Variants in HSD17B12 observed in about 807,000 individuals in gnomAD.
HSD17B12 encodes very-long-chain 3-oxoacyl-CoA reductase.
Under a neutral mutation model 39.3 loss-of-function variants are expected in HSD17B12, and 32 were observed. That is an observed-to-expected ratio of 0.81 (90% CI 0.61 to 1.09). The LOEUF is 1.09. HSD17B12 is among the 50% of genes least tolerant of loss of function. The probability of loss-of-function intolerance (pLI) is 0.00; values close to 1 mark genes in which losing one functional copy is unlikely to be tolerated. For missense variants in HSD17B12, 342 were observed against 382.9 expected, an observed-to-expected ratio of 0.89 and a Z score of 0.89; for synonymous variants, 150 against 146.7, an observed-to-expected ratio of 1.02 and a Z score of -0.16.
intron 7 of HSD17B12, 153 bp from the exon 8 acceptor site, chr11:43,838,164 C>T (rs775784445): frequency 2.9e-4 from 182 of 624,370 alleles, no homozygotes; most frequent in Non-Finnish European, 4.7e-4. Flanking sequence ...ACTGACCAAG[C>T]ATAGCACATA....
intron 3 of HSD17B12, among the ~76,000 whole-genome samples, chr11:43,773,726 T>C (rs1950671502): frequency 6.6e-6 from 1 of 152,230 alleles, no homozygotes; most frequent in South Asian, 2.1e-4. Context: ...TAGTGCAGTG[T>C]AAATTTTTCA....
chr11:43,678,608 T>C (rs1464610829), upstream of HSD17B12, among the ~76,000 whole-genome samples: 3 of 152,340 alleles, frequency 2.0e-5, no homozygotes, highest in African/African-American at 7.2e-5. Context: ...AATTAATTTT[T>C]GTATAAGGTG....
chr11:43,572,096 G>A, the HSD17B12 span, among the ~76,000 whole-genome samples: 3 of 152,142 alleles, frequency 2.0e-5, no homozygotes, highest in Admixed American at 6.5e-5. Context: ...ACTGGACCAG[G>A]GAGTTCCTAA....
At chr11:43,670,092 A>G in the HSD17B12 span, among the ~76,000 whole-genome samples, 2 of 152,218 alleles carry the variant, frequency 1.3e-5, no homozygotes, top group African/African-American at 2.4e-5. Context: ...GGAGCTCTGA[A>G]GCTGGGAAGG....
intron 3 of HSD17B12, among the ~76,000 whole-genome samples, chr11:43,763,654 G>T (rs7131587): frequency 0.76 from 112,890 of 147,738 alleles, 43,393 homozygotes; most frequent in East Asian, 0.96. Context: ...TATATATATA[G>T]AGAGAGAGAG....
At chr11:43,652,103 A>C in the HSD17B12 span, among the ~76,000 whole-genome samples, 1 of 152,188 alleles carries the variant, frequency 6.6e-6, no homozygotes, top group Non-Finnish European at 1.5e-5. Flanking sequence ...TCAAAATACC[A>C]GGTAGCTTTT....
chr11:43,653,289 A>G, the HSD17B12 span, among the ~76,000 whole-genome samples: 2 of 152,212 alleles, frequency 1.3e-5, no homozygotes, highest in African/African-American at 4.8e-5. Flanking sequence ...ACTGTATTCA[A>G]AGATGGAGTT....
the HSD17B12 span, among the ~76,000 whole-genome samples, chr11:43,558,205 A>T: frequency 2.3e-3 from 344 of 152,084 alleles, 3 homozygotes; most frequent in African/African-American, 7.8e-3. Context: ...TGGGGAAGAG[A>T]GGTGGAGGGG....
At chr11:43,714,467 T>C (rs1590685548) in intron 1 of HSD17B12, among the ~76,000 whole-genome samples, 1 of 152,236 alleles carries the variant, frequency 6.6e-6, no homozygotes, top group Non-Finnish European at 1.5e-5. Flanking sequence ...GGTTCTGTTC[T>C]GTTCCATTGG....
the HSD17B12 span, among the ~76,000 whole-genome samples, chr11:43,600,145 A>G: frequency 2.0e-5 from 3 of 151,630 alleles, no homozygotes; most frequent in Non-Finnish European, 4.4e-5. Flanking sequence ...TAGTTGTATT[A>G]TTTTTATTTG....
At chr11:43,576,816 G>A in the HSD17B12 span, among the ~76,000 whole-genome samples, 1 of 152,108 alleles carries the variant, frequency 6.6e-6, no homozygotes, top group African/African-American at 2.4e-5. Context: ...AACCGAGAGA[G>A]GGAATTCTTG....
At chr11:43,658,353 C>T in the HSD17B12 span, among the ~76,000 whole-genome samples, 2 of 152,220 alleles carry the variant, frequency 1.3e-5, no homozygotes, top group East Asian at 1.9e-4. Context: ...TCCTTTAGGT[C>T]GGAGTAGTTC....
the HSD17B12 span, among the ~76,000 whole-genome samples, chr11:43,640,528 C>T: frequency 2.0e-5 from 3 of 151,836 alleles, no homozygotes; most frequent in East Asian, 5.8e-4. Context: ...GATAGAAAGG[C>T]CTTTCGAAAC....
chr11:43,830,461 T>G (rs974669703), intron 6 of HSD17B12: 5 of 152,292 alleles, frequency 3.3e-5, no homozygotes, highest in African/African-American at 1.2e-4. Flanking sequence ...TGAGTTTTAC[T>G]TACAGCTAAC....
At chr11:43,610,143 T>C in the HSD17B12 span, among the ~76,000 whole-genome samples, 2 of 152,224 alleles carry the variant, frequency 1.3e-5, no homozygotes, top group African/African-American at 4.8e-5. Flanking sequence ...GTCACTTGAA[T>C]TATTCCATTA....
At chr11:43,668,649 A>G in the HSD17B12 span, among the ~76,000 whole-genome samples, 1 of 152,134 alleles carries the variant, frequency 6.6e-6, no homozygotes, top group East Asian at 1.9e-4. Flanking sequence ...AGTGTATCCC[A>G]AAACAGAGGC....
At chr11:43,843,350 A>G (rs1951444737) in intron 9 of HSD17B12, among the ~76,000 whole-genome samples, 1 of 152,222 alleles carries the variant, frequency 6.6e-6, no homozygotes, top group African/African-American at 2.4e-5. Flanking sequence ...AATTTTTTGG[A>G]CTAGGAGTAT....
At chr11:43,835,031 T>C (rs1951355591) in intron 7 of HSD17B12, among the ~76,000 whole-genome samples, 1 of 152,174 alleles carries the variant, frequency 6.6e-6, no homozygotes, top group Non-Finnish European at 1.5e-5. Flanking sequence ...ATTTGGATAT[T>C]TGTCATAACA....
At chr11:43,695,345 G>A (rs572721035) in intron 1 of HSD17B12, among the ~76,000 whole-genome samples, 11 of 152,224 alleles carry the variant, frequency 7.2e-5, no homozygotes, top group African/African-American at 1.9e-4. Context: ...TTCGGAGGCC[G>A]AGGCAGGTGG....
Sources: allele counts gnomAD v4.1 joint callset (sites outside exome capture counted in the v4.1 genomes callset), GRCh38; gene constraint gnomAD v4.1.1; transcripts MANE v1.5; gene names NCBI Gene and HGNC (gene_info 2026-07-23, HGNC 2026-07-21).